KIAA1217: variants seen among roughly 807,000 people sequenced by gnomAD.
KIAA1217 encodes the protein KIAA1217.
Under a neutral mutation model 163.9 loss-of-function variants are expected in KIAA1217, and 88 were observed. The observed-to-expected ratio is 0.54, with a 90% CI of 0.45 to 0.64. KIAA1217 has a LOEUF of 0.64. Among genes scored for constraint, KIAA1217 ranks in the 30% least tolerant of loss-of-function variants. The probability of loss-of-function intolerance (pLI) is 0.00; values close to 1 mark genes in which losing one functional copy is unlikely to be tolerated. For missense variants in KIAA1217, 2,372 were observed against 2,475.0 expected (o/e 0.96, Z 0.88); for synonymous variants, 903 against 923.1 (o/e 0.98, Z 0.39).
rs1394134234 is a variant in KIAA1217 at position 24,533,157 on chromosome 10, C to T, written c.3334C>T (p.Pro1112Ser). The T allele has an allele frequency of 2.5e-6, 4 of 1,613,696 alleles. No individual in the cohort carries two copies. Among genetic ancestry groups the T allele is most frequent in the Non-Finnish European group, 3.4e-6 (4 of 1,179,930 alleles). The change falls in exon 16 of 21, where the codon CCA (proline) becomes TCA (serine). Residue 1112 changes from proline to serine, a missense_variant. Physicochemically the swap from Pro to Ser is moderately conservative, Grantham distance 74 (BLOSUM62 -1). Coordinates refer to ENST00000376454, the MANE Select transcript of KIAA1217 (RefSeq NM_019590.5). ...EEPASAWTPS[P>S]PPVTTSSSKD... Reference sequence around the variant, plus strand: ...GCCTGCTTCAGCCTGGACCCCATCCCCACCGCCTGTCACCACCTCCTCCTC... The same window carrying T: ...GCCTGCTTCAGCCTGGACCCCATCCTCACCGCCTGTCACCACCTCCTCCTC...
intron 2 of KIAA1217, among the ~76,000 whole-genome samples, chr10:24,254,509 G>A (rs2074925018): frequency 6.6e-6 from 1 of 152,194 alleles, no homozygotes; most frequent in Admixed American, 6.5e-5. Flanking sequence ...GAAATGGGGG[G>A]CATGTCCTCT....
chr10:24,545,396 G>A (rs1441522938), intron 20 of KIAA1217: 1 of 1,324,492 alleles, frequency 7.6e-7, no homozygotes, highest in Non-Finnish European at 9.7e-7. Context: ...TGTTTCATCT[G>A]AACACCTCGG....
At chr10:23,830,706 G>C (rs573905236) in intron 1 of KIAA1217, among the ~76,000 whole-genome samples, 1 of 126,876 alleles carries the variant, frequency 7.9e-6, no homozygotes, top group African/African-American at 2.9e-5. Context: ...AGGTAGGTAG[G>C]TAGATAGATA....
intron 2 of KIAA1217, among the ~76,000 whole-genome samples, chr10:24,179,639 G>C (rs987515085): frequency 6.6e-6 from 1 of 151,782 alleles, no homozygotes; most frequent in African/African-American, 2.4e-5. Context: ...CCCAGGCTGG[G>C]GTGCAGTGGT....
rs76978136 is a variant in KIAA1217 at position 24,536,675 on chromosome 10, G to A, written c.3415-99G>A. Reference sequence around the variant, plus strand: ...TGGCCTAAACCTGCGTGCAGGACCCGGGTTGGGGTCCACAAGCGTCTGGTT... The same window carrying A: ...TGGCCTAAACCTGCGTGCAGGACCCAGGTTGGGGTCCACAAGCGTCTGGTT... On this transcript the variant is annotated intron_variant, in intron 16 of 20. Transcript: ENST00000376454. 4.8e-4 allele frequency: 608 copies of A among 1,278,804 alleles called. 5 individuals carry two copies. In the African/African-American group the frequency reaches 7.6e-3, roughly 16 times the overall value. 79.2% of individuals were successfully genotyped at this position (1,278,804 alleles called of 1,614,324 possible).
At chr10:24,468,036 C>G (rs1032948150) in intron 5 of KIAA1217, among the ~76,000 whole-genome samples, 17 of 152,070 alleles carry the variant, frequency 1.1e-4, no homozygotes, top group African/African-American at 3.9e-4. Flanking sequence ...TAAGAATACC[C>G]GCAGCAAAGG....
intron 1 of KIAA1217, among the ~76,000 whole-genome samples, chr10:23,850,824 T>A (rs1483863961): frequency 1.3e-5 from 2 of 151,706 alleles, no homozygotes; most frequent in Non-Finnish European, 2.9e-5. Context: ...TGGTAGAAGG[T>A]GAAGGGGAAG....
At chr10:24,311,725 GT>G in intron 2 of KIAA1217, among the ~76,000 whole-genome samples, 1 of 152,142 alleles carries the variant, frequency 6.6e-6, no homozygotes, top group African/African-American at 2.4e-5. Context: ...TCAGGGGCCT[GT>G]GGGAACTTTT....
At chr10:24,507,570 G>C (rs2068534666) in intron 9 of KIAA1217, among the ~76,000 whole-genome samples, 1 of 152,044 alleles carries the variant, frequency 6.6e-6, no homozygotes, top group African/African-American at 2.4e-5. Flanking sequence ...CCTAAAAACA[G>C]CAATGGAAAC....
intron 2 of KIAA1217, among the ~76,000 whole-genome samples, chr10:24,105,459 C>T (rs964068221): frequency 5.9e-5 from 9 of 152,132 alleles, no homozygotes; most frequent in East Asian, 3.9e-4. Context: ...ATCTCACAGG[C>T]GAGGATGAAA....
At chr10:24,184,901 C>A (rs569244842) in intron 2 of KIAA1217, among the ~76,000 whole-genome samples, 3 of 152,250 alleles carry the variant, frequency 2.0e-5, no homozygotes, top group Admixed American at 1.3e-4. Flanking sequence ...GGACACAAAA[C>A]TATATTATCT....
At chr10:24,478,368 A>G (rs776729737) in intron 6 of KIAA1217, among the ~76,000 whole-genome samples, 2 of 152,190 alleles carry the variant, frequency 1.3e-5, no homozygotes, top group African/African-American at 2.4e-5. Context: ...TGAATTTGGC[A>G]TTTCTTTCTT....
At chr10:24,050,922 CT>C (rs1238182037) in intron 2 of KIAA1217, among the ~76,000 whole-genome samples, 3 of 151,780 alleles carry the variant, frequency 2.0e-5, no homozygotes, top group African/African-American at 2.4e-5. Context: ...AACATGGTTT[CT>C]TTTTTTTATT....
chr10:24,379,725 G>A (rs536202530), intron 2 of KIAA1217, among the ~76,000 whole-genome samples: 2 of 152,240 alleles, frequency 1.3e-5, no homozygotes, highest in South Asian at 2.1e-4. Context: ...AGGCAGGACT[G>A]GCTAAAGAAT....
chr10:24,217,287 C>T (rs1336502229), intron 1 of KIAA1217, among the ~76,000 whole-genome samples: 2 of 152,024 alleles, frequency 1.3e-5, no homozygotes, highest in Admixed American at 1.3e-4. Flanking sequence ...GGAAGCGCAA[C>T]CTAAATAAAT....
chr10:23,723,838 A>G (rs1837993491), intron 1 of KIAA1217, among the ~76,000 whole-genome samples: 1 of 152,172 alleles, frequency 6.6e-6, no homozygotes, highest in African/African-American at 2.4e-5. Context: ...CCGTTCTCAG[A>G]TTGCTATAAA....
intron 3 of KIAA1217, among the ~76,000 whole-genome samples, chr10:24,400,962 T>TACACACACAC (rs375697958): frequency 0.11 from 12,780 of 116,972 alleles, 704 homozygotes; most frequent in South Asian, 0.22. Context: ...GCAAGAAACA[T>TACACACACAC]ACACACACAC....
chr10:24,155,856 C>T (rs1793697762), intron 2 of KIAA1217, among the ~76,000 whole-genome samples: 1 of 152,030 alleles, frequency 6.6e-6, no homozygotes, highest in African/African-American at 2.4e-5. Flanking sequence ...TTGCAACTGT[C>T]TCTGGGGATC....
At chr10:24,228,923 T>C (rs188765945) in intron 2 of KIAA1217, among the ~76,000 whole-genome samples, 17 of 152,376 alleles carry the variant, frequency 1.1e-4, no homozygotes, top group Admixed American at 1.0e-3. Context: ...TATGTCTTTG[T>C]GACTTATTTT....
Sources: allele counts gnomAD v4.1 joint callset (sites outside exome capture counted in the v4.1 genomes callset), GRCh38; gene constraint gnomAD v4.1.1; transcripts MANE v1.5; gene names NCBI Gene and HGNC (gene_info 2026-07-23, HGNC 2026-07-21).